Variants in PNKD observed in about 807,000 individuals in gnomAD.
PNKD encodes PNKD metallo-beta-lactamase domain containing.
A neutral mutation model predicts 45.3 loss-of-function variants in PNKD; 36 were observed. That is an observed-to-expected ratio of 0.80 (90% CI 0.61 to 1.05). PNKD has a LOEUF of 1.05. Ranked by LOEUF, PNKD falls within the 50% of genes least tolerant of loss-of-function variation. The pLI, the probability that PNKD is intolerant of heterozygous loss-of-function variation, is 0.00. For synonymous variants in PNKD, 197 were observed against 210.1 expected (o/e 0.94, Z 0.54); for missense variants, 511 against 506.6 (o/e 1.01, Z -0.08).
chr2:218,313,899 ATTTC>A (rs1693685562), intron 2 of PNKD, among the ~76,000 whole-genome samples: 1 of 95,308 alleles, frequency 1.0e-5, no homozygotes, highest in Non-Finnish European at 2.2e-5. Context: ...CATTTTCTTT[ATTTC>A]TTTTTTTTTT....
At chr2:218,282,188 TGG>T in intron 2 of PNKD, 1 of 1,398,696 alleles carries the variant, frequency 7.1e-7, no homozygotes, top group Non-Finnish European at 9.4e-7. Context: ...GGACCTGAAA[TGG>T]GAGAGGAGAA....
At chr2:218,331,762 C>T (rs1470100457) in intron 2 of PNKD, among the ~76,000 whole-genome samples, 1 of 152,156 alleles carries the variant, frequency 6.6e-6, no homozygotes, top group Non-Finnish European at 1.5e-5. Flanking sequence ...GCCACCGCGC[C>T]CAGCCATGCT....
At chr2:218,328,846 G>A (rs554153975) in intron 2 of PNKD, among the ~76,000 whole-genome samples, 3 of 152,240 alleles carry the variant, frequency 2.0e-5, no homozygotes, top group African/African-American at 7.2e-5. Context: ...CGAGCTTCCC[G>A]TGCGCATTCT....
intron 2 of PNKD, among the ~76,000 whole-genome samples, chr2:218,300,486 A>G (rs977074344): frequency 1.3e-5 from 2 of 152,096 alleles, no homozygotes; most frequent in Non-Finnish European, 2.9e-5. Flanking sequence ...CTTGGGGTTC[A>G]TGTTAAAATG....
intron 2 of PNKD, 61 bp from the exon 3 acceptor site, chr2:218,339,722 G>A (rs1040446263): frequency 9.0e-6 from 9 of 995,732 alleles, no homozygotes; most frequent in South Asian, 3.9e-5. Context: ...CAGGCATCAC[G>A]AAGGAGTCTA....
chr2:218,304,225 C>T (rs907331335), intron 2 of PNKD, among the ~76,000 whole-genome samples: 1 of 151,986 alleles, frequency 6.6e-6, no homozygotes, highest in Non-Finnish European at 1.5e-5. Context: ...GTGGTCTCAG[C>T]TCACTGCAAC....
At chr2:218,295,470 G>A (rs926603545) in intron 2 of PNKD, among the ~76,000 whole-genome samples, 1 of 152,186 alleles carries the variant, frequency 6.6e-6, no homozygotes, top group South Asian at 2.1e-4. Context: ...AATGGGGTGG[G>A]GGTTCGGGAA....
intron 2 of PNKD, chr2:218,282,113 T>C (rs765096690): frequency 2.0e-6 from 3 of 1,538,024 alleles, no homozygotes; most frequent in Non-Finnish European, 2.6e-6. Flanking sequence ...GCGGTCTTCA[T>C]ATGGTGGTGG....
intron 2 of PNKD, among the ~76,000 whole-genome samples, chr2:218,321,934 CTT>C (rs35226712): frequency 0.025 from 3,017 of 120,434 alleles, 121 homozygotes; most frequent in African/African-American, 0.093. Context: ...GAGCTTGACT[CTT>C]TTTTTTTTTT....
chr2:218,304,502 G>A (rs1574678765), intron 2 of PNKD, among the ~76,000 whole-genome samples: 1 of 152,290 alleles, frequency 6.6e-6, no homozygotes, highest in African/African-American at 2.4e-5. Context: ...GGTGGCGACA[G>A]TGTCACTAGC....
rs1456889937 is a variant in PNKD at position 218,271,475 on chromosome 2, A to G, written c.162A>G (p.Glu54=). Reference sequence around the variant, plus strand: ...CCCCAGAGGGCAAGGAGGAACCTGAACCCCTATCCCCGGAGCTGGAATACA... The same window carrying G: ...CCCCAGAGGGCAAGGAGGAACCTGAGCCCCTATCCCCGGAGCTGGAATACA... The part of the protein sequence containing the change: ...HSSPEGKEEP[E]PLSPELEYIP... Residue 54 remains glutamate (E), a synonymous_variant, in exon 2 of 10, where the codon GAA becomes GAG. Transcript: ENST00000273077. The G allele has an allele frequency of 6.2e-7, 1 of 1,614,092 alleles. No individual in the cohort carries two copies. Among genetic ancestry groups the G allele is most frequent in the East Asian group, 2.2e-5 (1 of 44,878 alleles).
At chr2:218,306,504 A>G (rs1182604525) in intron 2 of PNKD, among the ~76,000 whole-genome samples, 1 of 152,230 alleles carries the variant, frequency 6.6e-6, no homozygotes, top group Non-Finnish European at 1.5e-5. Context: ...TTCTCTGGGT[A>G]ATCACGGTTA....
chr2:218,301,363 C>T (rs1168562647), intron 2 of PNKD, among the ~76,000 whole-genome samples: 1 of 152,170 alleles, frequency 6.6e-6, no homozygotes, highest in East Asian at 1.9e-4. Context: ...GCACTCAGTA[C>T]TTTCTGCTGC....
chr2:218,308,224 C>A (rs577311619), intron 2 of PNKD, among the ~76,000 whole-genome samples: 5 of 143,626 alleles, frequency 3.5e-5, no homozygotes, highest in Admixed American at 1.4e-4. Flanking sequence ...AGTCTCACTG[C>A]ACATCACTCA....
rs531035075 is a variant in PNKD at position 218,277,343 on chromosome 2, G to A, written c.236+5794G>A. ...TAAGAAAGGGGAGTCGGGGGGCCAGGGAAGGGCCCTCCATGCCCTCACCTT... is the reference window on the plus strand; with the variant it reads ...TAAGAAAGGGGAGTCGGGGGGCCAGAGAAGGGCCCTCCATGCCCTCACCTT... On this transcript the variant is annotated intron_variant, in intron 2 of 9. Transcript: ENST00000273077. 2.6e-5 allele frequency: 42 copies of A among 1,608,732 alleles called. 1 individual carries two copies. The South Asian group carries it at 4.6e-4, about 18-fold the overall frequency.
At chr2:218,300,839 C>T (rs1449102391) in intron 2 of PNKD, among the ~76,000 whole-genome samples, 1 of 152,168 alleles carries the variant, frequency 6.6e-6, no homozygotes, top group Non-Finnish European at 1.5e-5. Context: ...ACCACCACGC[C>T]TGGCCATAGG....
chr2:218,286,378 C>A (rs1009776678), intron 2 of PNKD: 1 of 151,958 alleles, frequency 6.6e-6, no homozygotes, highest in Non-Finnish European at 1.5e-5. Flanking sequence ...GGAGCAAGCC[C>A]CTTGTCTGCA....
At chr2:218,276,176 T>A in intron 2 of PNKD, 1 of 1,357,480 alleles carries the variant, frequency 7.4e-7, no homozygotes, top group Non-Finnish European at 1.0e-6. Context: ...TGAGAGTGGG[T>A]AGAGCTGGGA....
intron 2 of PNKD, among the ~76,000 whole-genome samples, chr2:218,276,417 C>T (rs574526268): frequency 6.6e-6 from 1 of 152,286 alleles, no homozygotes; most frequent in South Asian, 2.1e-4. Context: ...TACAGCCCAG[C>T]CTGGGAGGGG....
Sources: allele counts gnomAD v4.1 joint callset (sites outside exome capture counted in the v4.1 genomes callset), GRCh38; gene constraint gnomAD v4.1.1; transcripts MANE v1.5; gene names NCBI Gene and HGNC (gene_info 2026-07-23, HGNC 2026-07-21).